DOK6: variants seen among roughly 807,000 people sequenced by gnomAD.
DOK6 encodes downstream of tyrosine kinase 6.
In DOK6, 22 loss-of-function variants were observed where a neutral mutation model predicts 44.0. The ratio of observed to expected loss-of-function variants is 0.50; its 90% confidence interval spans 0.36 to 0.71. DOK6 has a LOEUF of 0.71. Among genes scored for constraint, DOK6 ranks in the 30% least tolerant of loss-of-function variants. The pLI, the probability that DOK6 is intolerant of heterozygous loss-of-function variation, is 0.00. For synonymous variants in DOK6, 166 were observed against 145.5 expected, an observed-to-expected ratio of 1.14 and a Z score of -1.01; for missense variants, 340 against 416.4, an observed-to-expected ratio of 0.82 and a Z score of 1.60.
At chr18:69,644,709 T>G (rs1430437539) in intron 3 of DOK6, among the ~76,000 whole-genome samples, 1 of 152,200 alleles carries the variant, frequency 6.6e-6, no homozygotes, top group Non-Finnish European at 1.5e-5. Context: ...TTTATTACTC[T>G]TTGTCAAGAG....
At chr18:69,580,830 C>T (rs1983351611) in intron 2 of DOK6, among the ~76,000 whole-genome samples, 1 of 152,082 alleles carries the variant, frequency 6.6e-6, no homozygotes, top group South Asian at 2.1e-4. Context: ...TCAATATTCC[C>T]CATCCCCTCA....
chr18:69,776,896 A>G (rs1390057302), intron 7 of DOK6, among the ~76,000 whole-genome samples: 1 of 150,898 alleles, frequency 6.6e-6, no homozygotes, highest in Non-Finnish European at 1.5e-5. Flanking sequence ...TACTTTAATT[A>G]TCATAGTTCT....
At chr18:69,648,035 G>T (rs191119640) in intron 3 of DOK6, among the ~76,000 whole-genome samples, 1 of 152,086 alleles carries the variant, frequency 6.6e-6, no homozygotes, top group Admixed American at 6.5e-5. Flanking sequence ...TCAAATACTT[G>T]TTTAGCTATC....
chr18:69,661,116 T>C (rs1390883811), intron 3 of DOK6: 1 of 152,204 alleles, frequency 6.6e-6, no homozygotes, highest in Non-Finnish European at 1.5e-5. Flanking sequence ...AAAAATACCA[T>C]ACCCTGGATG....
At chr18:69,432,542 A>G (rs1479878479) in intron 1 of DOK6, among the ~76,000 whole-genome samples, 1 of 152,236 alleles carries the variant, frequency 6.6e-6, no homozygotes, top group Non-Finnish European at 1.5e-5. Context: ...CTTTAATCTG[A>G]TTGCTAACAA....
intron 5 of DOK6, among the ~76,000 whole-genome samples, chr18:69,719,450 G>C (rs1009782214): frequency 1.3e-5 from 2 of 152,180 alleles, no homozygotes; most frequent in Non-Finnish European, 2.9e-5. Flanking sequence ...ATCTGTTGGA[G>C]CAACTGGGGA....
intron 1 of DOK6, among the ~76,000 whole-genome samples, chr18:69,544,728 C>T (rs1418881878): frequency 2.0e-5 from 3 of 151,470 alleles, no homozygotes; most frequent in South Asian, 2.1e-4. Flanking sequence ...CATAGAAATA[C>T]GGTTTTTATA....
intron 5 of DOK6, among the ~76,000 whole-genome samples, chr18:69,710,967 G>T (rs1318757859): frequency 6.6e-6 from 1 of 152,190 alleles, no homozygotes; most frequent in African/African-American, 2.4e-5. Flanking sequence ...CTCAACATTT[G>T]CTGCTGATCT....
intron 7 of DOK6, among the ~76,000 whole-genome samples, chr18:69,828,399 T>C (rs1471542798): frequency 6.6e-6 from 1 of 151,818 alleles, no homozygotes; most frequent in African/African-American, 2.4e-5. Context: ...TTGCTAATGG[T>C]AAAGAATTCA....
chr18:69,738,946 C>G lies in DOK6; in HGVS notation c.600-19C>G, dbSNP rs764316734. ...GAACACATGGAGACCCATCTCTTTCCCTATCTCTATTCTCACAGAATGTGT... is the reference window on the plus strand; with the variant it reads ...GAACACATGGAGACCCATCTCTTTCGCTATCTCTATTCTCACAGAATGTGT... On this transcript the variant is annotated intron_variant, in intron 5 of 7. Transcript: ENST00000382713. The G allele has an allele frequency of 5.0e-6, 8 of 1,612,962 alleles. No individual in the cohort carries two copies. Among genetic ancestry groups the G allele is most frequent in the African/African-American group, 2.7e-5 (2 of 74,894 alleles).
intron 3 of DOK6, among the ~76,000 whole-genome samples, chr18:69,616,488 C>T (rs1167529052): frequency 8.0e-6 from 1 of 125,456 alleles, no homozygotes; most frequent in African/African-American, 3.0e-5. Flanking sequence ...ACTAGATGTG[C>T]TTCTCTAAGT....
intron 3 of DOK6, among the ~76,000 whole-genome samples, chr18:69,616,808 T>G (rs7228021): frequency 0.44 from 67,168 of 152,072 alleles, 15,430 homozygotes; most frequent in Non-Finnish European, 0.5. Flanking sequence ...AACTAAGCCC[T>G]CGATAATTGG....
rs548334449 is a variant in DOK6 at position 69,738,701 on chromosome 18, CT to C, written c.600-256del. ...CATCCACTGTCATTGCCTAAATCAC[CT>C]TTTTTTTCTGTTCCTTTACACTGTT... On this transcript the variant is annotated intron_variant, in intron 5 of 7. Coordinates refer to ENST00000382713, the MANE Select transcript of DOK6 (RefSeq NM_152721.6). Among the ~76,000 whole-genome samples the C allele has an allele frequency of 4.9e-4, 75 of 152,170 alleles. 1 individual carries two copies. The South Asian group carries it at 8.9e-3, about 18-fold the overall frequency.
chr18:69,669,956 T>C (rs1939158922), intron 3 of DOK6, among the ~76,000 whole-genome samples: 1 of 152,224 alleles, frequency 6.6e-6, no homozygotes. Context: ...ACATAACAAA[T>C]TGCCACACAC....
At position 69,712,280 on chromosome 18, in the gene DOK6, C is replaced by CAAAAAAAAA. The variant is rs869202861; in HGVS notation, c.599+13725_599+13733dup. Among the ~76,000 whole-genome samples the CAAAAAAAAA allele has an allele frequency of 1.3e-4, 3 of 22,670 alleles. 1 individual carries two copies. The highest frequency in any genetic ancestry group is 3.8e-4 in the African/African-American group (2 of 5,304). The allele number at this position is 22,670 out of a possible 152,430, so 14.9% of individuals were successfully genotyped here. The stretch of plus-strand genomic sequence containing the variant: ...TGGGCGACAGAGCGAGACTCCGTCT[C>CAAAAAAAAA]AAAAAAAAAAAAAAAAAAAAAAAAA... On this transcript the variant is annotated intron_variant, in intron 5 of 7. Transcript: ENST00000382713.
intron 6 of DOK6, among the ~76,000 whole-genome samples, chr18:69,750,475 A>C (rs1395747550): frequency 3.9e-5 from 6 of 152,212 alleles, no homozygotes; most frequent in Admixed American, 3.9e-4. Flanking sequence ...TTCATAAAAA[A>C]TGCTGTACAT....
chr18:69,462,345 A>G (rs771540317), intron 1 of DOK6, among the ~76,000 whole-genome samples: 9 of 152,072 alleles, frequency 5.9e-5, no homozygotes, highest in Non-Finnish European at 8.8e-5. Context: ...GCCTTCTTGC[A>G]TAGGCTATTA....
chr18:69,452,425 T>C (rs1454074107), intron 1 of DOK6, among the ~76,000 whole-genome samples: 1 of 110,660 alleles, frequency 9.0e-6, no homozygotes, highest in Non-Finnish European at 1.8e-5. Context: ...TAATCAATAG[T>C]TTACCAACCA....
chr18:69,443,437 G>T (rs1979191830), intron 1 of DOK6, among the ~76,000 whole-genome samples: 1 of 152,128 alleles, frequency 6.6e-6, no homozygotes, highest in Non-Finnish European at 1.5e-5. Flanking sequence ...GCAGTTTTCT[G>T]TTCTGCAAAG....
Sources: allele counts gnomAD v4.1 joint callset (sites outside exome capture counted in the v4.1 genomes callset), GRCh38; gene constraint gnomAD v4.1.1; transcripts MANE v1.5; gene names NCBI Gene and HGNC (gene_info 2026-07-23, HGNC 2026-07-21).